The following TMEM132D variants were observed in gnomAD, a reference collection of about 807,000 sequenced individuals.
The protein encoded by TMEM132D is mature OL transmembrane protein.
In TMEM132D, 21 loss-of-function variants were observed where a neutral mutation model predicts 62.3. That is an observed-to-expected ratio of 0.34 (90% CI 0.24 to 0.49). The LOEUF (loss-of-function observed/expected upper bound fraction) is 0.49, where lower values mean the gene tolerates loss of function less well. Ranked by LOEUF, TMEM132D falls within the 20% of genes least tolerant of loss-of-function variation. The pLI is 0.99. For synonymous variants in TMEM132D, 621 were observed against 575.6 expected (o/e 1.08, Z -1.13); for missense variants, 1,346 against 1,402.8 (o/e 0.96, Z 0.65).
intron 1 of TMEM132D, among the ~76,000 whole-genome samples, chr12:129,780,613 C>T (rs10847946): frequency 0.54 from 81,712 of 151,796 alleles, 22,572 homozygotes; most frequent in Admixed American, 0.61. Context: ...TTTGAGGGCA[C>T]TTGAGTTTAT....
rs150229005 is a variant in TMEM132D, at chr12:129,859,080, G to T, written c.79+44181C>A. ...TAACGGAGTCCGGGGGAACGGGATG[G>T]GTGCCCTTACAAAAGAGTCCTGCGG... On this transcript the variant is annotated intron_variant, in intron 1 of 8. Coordinates refer to ENST00000422113, the MANE Select transcript of TMEM132D (RefSeq NM_133448.3). 3.7e-3 allele frequency among the ~76,000 whole-genome samples: 568 copies of T among 152,226 alleles called. 3 individuals carry two copies. The highest frequency in any genetic ancestry group is 0.013 in the African/African-American group (539 of 41,508).
intron 1 of TMEM132D, among the ~76,000 whole-genome samples, chr12:129,707,388 A>G (rs1484535830): frequency 6.6e-6 from 1 of 151,986 alleles, no homozygotes; most frequent in Admixed American, 6.6e-5. Flanking sequence ...TAAAATAAAC[A>G]AAAAGGAAGG....
At chr12:129,826,745 G>A (rs1271221873) in intron 1 of TMEM132D, among the ~76,000 whole-genome samples, 1 of 152,212 alleles carries the variant, frequency 6.6e-6, no homozygotes, top group Non-Finnish European at 1.5e-5. Flanking sequence ...AACCAGGTAC[G>A]AATGGACTAG....
chr12:129,249,028 T>C (rs1244278786), intron 4 of TMEM132D, among the ~76,000 whole-genome samples: 1 of 152,156 alleles, frequency 6.6e-6, no homozygotes, highest in Non-Finnish European at 1.5e-5. Flanking sequence ...CCATCAGTGA[T>C]AGACTGGATA....
In TMEM132D at chr12:129,531,092, A is replaced by G; in HGVS notation, c.1082T>C (p.Val361Ala). 6.2e-7 allele frequency: 1 copy of G among 1,613,664 alleles called. No homozygotes were observed. Among genetic ancestry groups the G allele is most frequent in the South Asian group, 1.1e-5 (1 of 91,034 alleles). The change falls in exon 3 of 9, where the codon GTT (valine) becomes GCT (alanine). Residue 361 changes from valine to alanine, a missense_variant. Transcript: ENST00000422113. ...YTGKYAPAVI[V>A]CQKKAAGSEN... ...TGAGCCAGCTGCTTTCTTCTGACAA[A>G]CGATGACAGCTGGTGCATACTTTCC...
At chr12:129,265,431 G>A (rs750683933) in intron 4 of TMEM132D, among the ~76,000 whole-genome samples, 2 of 152,170 alleles carry the variant, frequency 1.3e-5, no homozygotes, top group South Asian at 4.1e-4. Flanking sequence ...ATTTTGGTCC[G>A]AATTTGGCAC....
At chr12:129,725,243 A>G (rs1868988523) in intron 1 of TMEM132D, among the ~76,000 whole-genome samples, 1 of 152,260 alleles carries the variant, frequency 6.6e-6, no homozygotes. Flanking sequence ...TAAAAAGTCA[A>G]TTTAAGGAAA....
chr12:129,270,375 A>G (rs1447189043), intron 4 of TMEM132D, among the ~76,000 whole-genome samples: 1 of 152,190 alleles, frequency 6.6e-6, no homozygotes, highest in Non-Finnish European at 1.5e-5. Context: ...TCAAGAGTCA[A>G]AGATGACTTC....
At chr12:129,665,936 T>TGAGG (rs1301812473) in intron 2 of TMEM132D, among the ~76,000 whole-genome samples, 3 of 152,194 alleles carry the variant, frequency 2.0e-5, no homozygotes, top group Non-Finnish European at 2.9e-5. Context: ...TGGGAAGCCC[T>TGAGG]GAGGGACCTT....
intron 3 of TMEM132D, among the ~76,000 whole-genome samples, chr12:129,471,784 T>C (rs1874099247): frequency 6.6e-6 from 1 of 152,148 alleles, no homozygotes; most frequent in Non-Finnish European, 1.5e-5. Context: ...ACACAAATGA[T>C]AAGAATGTGA....
At chr12:129,595,975 G>GTGTT (rs1190880724) in intron 2 of TMEM132D, among the ~76,000 whole-genome samples, 1 of 152,174 alleles carries the variant, frequency 6.6e-6, no homozygotes, top group Admixed American at 6.5e-5. Context: ...TTGGAAGCAG[G>GTGTT]TGTTCTAAAA....
intron 1 of TMEM132D, among the ~76,000 whole-genome samples, chr12:129,732,033 G>A (rs567418959): frequency 6.6e-6 from 1 of 152,154 alleles, no homozygotes; most frequent in Admixed American, 6.5e-5. Context: ...TGCTACCATC[G>A]AGTGTAGGCC....
chr12:129,605,449 G>T (rs1485162181), intron 2 of TMEM132D, among the ~76,000 whole-genome samples: 2 of 151,708 alleles, frequency 1.3e-5, no homozygotes, highest in African/African-American at 2.4e-5. Context: ...GGAAAAAATG[G>T]TCTCGTCTGA....
At chr12:129,901,671 C>T (rs562609439) in intron 1 of TMEM132D, among the ~76,000 whole-genome samples, 31 of 152,242 alleles carry the variant, frequency 2.0e-4, no homozygotes, top group African/African-American at 7.2e-4. Context: ...AAGTATTAGG[C>T]TAAATACAAT....
At chr12:129,713,862 A>G (rs2137238472) in intron 1 of TMEM132D, among the ~76,000 whole-genome samples, 1 of 152,318 alleles carries the variant, frequency 6.6e-6, no homozygotes, top group East Asian at 1.9e-4. Flanking sequence ...TTGCATTCTA[A>G]CAAGTGATGC....
chr12:129,809,306 TCAA>T (rs1872093580), intron 1 of TMEM132D, among the ~76,000 whole-genome samples: 1 of 40,634 alleles, frequency 2.5e-5, no homozygotes, highest in African/African-American at 7.3e-5. Context: ...AGACTCCATA[TCAA>T]AAAAAAAAAA....
At chr12:129,269,431 T>A (rs1332438396) in intron 4 of TMEM132D, among the ~76,000 whole-genome samples, 1 of 151,796 alleles carries the variant, frequency 6.6e-6, no homozygotes, top group Non-Finnish European at 1.5e-5. Context: ...TCCTTCCATC[T>A]CCCCTGTTAG....
At chr12:129,628,478 A>C (rs1214623160) in intron 2 of TMEM132D, among the ~76,000 whole-genome samples, 1 of 152,200 alleles carries the variant, frequency 6.6e-6, no homozygotes, top group East Asian at 1.9e-4. Flanking sequence ...ACCATTAGGC[A>C]GGAAGGCTTG....
At chr12:129,545,330 C>A (rs1485815918) in intron 2 of TMEM132D, among the ~76,000 whole-genome samples, 1 of 152,194 alleles carries the variant, frequency 6.6e-6, no homozygotes, top group Non-Finnish European at 1.5e-5. Flanking sequence ...TCTTTTGTTA[C>A]AGGAGACATC....
Sources: gnomAD v4.1 joint callset for allele counts (sites outside exome capture counted in the v4.1 genomes callset) on GRCh38, gnomAD v4.1.1 for gene constraint, MANE v1.5 for transcripts, NCBI Gene and HGNC (gene_info 2026-07-23, HGNC 2026-07-21) for gene names.